The following YJU2B variants were observed in gnomAD, a reference collection of about 807,000 sequenced individuals.
The protein encoded by YJU2B is YJU2 splicing factor homolog B.
In YJU2B, 18 loss-of-function variants were observed where a neutral mutation model predicts 38.0. That is an observed-to-expected ratio of 0.47 (90% CI 0.33 to 0.70). The LOEUF (loss-of-function observed/expected upper bound fraction) is 0.70. Ranked by LOEUF, YJU2B falls within the 30% of genes least tolerant of loss-of-function variation. The pLI is 0.02. For synonymous variants in YJU2B, 246 were observed against 225.4 expected (o/e 1.09, Z -0.82); for missense variants, 538 against 556.3 (o/e 0.97, Z 0.33).
upstream of YJU2B, among the ~76,000 whole-genome samples, chr19:13,743,569 C>G (rs1973149618): frequency 7.3e-6 from 1 of 137,760 alleles, no homozygotes; most frequent in African/African-American, 2.8e-5. Flanking sequence ...GACAGCAAGA[C>G]TCAGTCTCAG....
intron 1 of YJU2B, chr19:13,731,979 C>CTCCCAGCCTCAGTT (rs1972830084): frequency 6.6e-6 from 1 of 152,266 alleles, no homozygotes; most frequent in African/African-American, 2.4e-5. Flanking sequence ...GTTCTCGGGT[C>CTCCCAGCCTCAGTT]TCCCAGCCTC....
chr19:13,748,695 G>A (rs1212525650), intron 1 of YJU2B, among the ~76,000 whole-genome samples: 1 of 152,162 alleles, frequency 6.6e-6, no homozygotes, highest in African/African-American at 2.4e-5. Flanking sequence ...CTTTACCGGT[G>A]ACGAAATACA....
intron 2 of YJU2B, among the ~76,000 whole-genome samples, chr19:13,735,270 G>GCGCCACCGCACTC: frequency 6.6e-6 from 1 of 152,284 alleles, no homozygotes; most frequent in African/African-American, 2.4e-5. Context: ...AGCCGAGATT[G>GCGCCACCGCACTC]CGCCACCGCA....
intron 3 of YJU2B, 74 bp from the exon 4 acceptor site, chr19:13,756,123 C>A: frequency 8.6e-7 from 1 of 1,157,326 alleles, no homozygotes; most frequent in Non-Finnish European, 1.3e-6. Flanking sequence ...TGTCCCAAAG[C>A]AGTGGGGGTG....
At chr19:13,742,655 G>A (rs1401749479) in intron 2 of YJU2B, among the ~76,000 whole-genome samples, 2 of 152,092 alleles carry the variant, frequency 1.3e-5, no homozygotes, top group African/African-American at 4.8e-5. Flanking sequence ...CAGCCTCTTT[G>A]TATCCCAGGC....
At chr19:13,759,954 C>T (rs1973826494) in intron 8 of YJU2B, among the ~76,000 whole-genome samples, 2 of 152,246 alleles carry the variant, frequency 1.3e-5, no homozygotes, top group African/African-American at 2.4e-5. Context: ...TGCACCATCA[C>T]GCACAGCTAG....
chr19:13,757,533 T>TTG, intron 5 of YJU2B, 60 bp downstream of exon 5: 6 of 1,072,598 alleles, frequency 5.6e-6, no homozygotes, highest in Non-Finnish European at 8.6e-6. Context: ...AACTGCTGGA[T>TTG]GCCGCCGGGG....
At chr19:13,762,468 A>G in intron 9 of YJU2B, 31 bp downstream of exon 9, 4 of 1,605,986 alleles carry the variant, frequency 2.5e-6, no homozygotes, top group Non-Finnish European at 3.4e-6. Flanking sequence ...AAAAGGGGAC[A>G]GGGAGGCTCA....
chr19:13,736,852 C>A (rs1347497987), intron 2 of YJU2B, among the ~76,000 whole-genome samples: 2 of 151,394 alleles, frequency 1.3e-5, no homozygotes, highest in African/African-American at 4.8e-5. Flanking sequence ...GCCAACATGG[C>A]GAAATCCCGT....
intron 6 of YJU2B, among the ~76,000 whole-genome samples, chr19:13,758,233 A>G (rs1973744259): frequency 6.6e-6 from 1 of 152,056 alleles, no homozygotes; most frequent in Non-Finnish European, 1.5e-5. Flanking sequence ...TTCTGCTCAA[A>G]CAGCACCCCT....
At chr19:13,734,719 G>A (rs1310660902) in intron 2 of YJU2B, among the ~76,000 whole-genome samples, 2 of 152,164 alleles carry the variant, frequency 1.3e-5, no homozygotes, top group Non-Finnish European at 2.9e-5. Flanking sequence ...CTCCCAGGTA[G>A]CTGGGATTAC....
At chr19:13,751,318 G>A (rs910254801) in intron 1 of YJU2B, among the ~76,000 whole-genome samples, 5 of 152,132 alleles carry the variant, frequency 3.3e-5, no homozygotes, top group African/African-American at 1.2e-4. Flanking sequence ...GGGAGACTGA[G>A]GCAGGAGAAT....
chr19:13,741,147 ATTTC>A (rs1441811362), intron 2 of YJU2B, among the ~76,000 whole-genome samples: 2 of 126,082 alleles, frequency 1.6e-5, no homozygotes, highest in Non-Finnish European at 3.3e-5. Context: ...GCTTTTATAG[ATTTC>A]TTTTTTTTTT....
chr19:13,755,459 CAAAAAAA>C (rs35675919), intron 3 of YJU2B, among the ~76,000 whole-genome samples: 5 of 114,994 alleles, frequency 4.3e-5, no homozygotes, highest in African/African-American at 1.2e-4. Context: ...GACTCTGTCT[CAAAAAAA>C]AAAAAAAAAA....
At chr19:13,751,513 G>A in intron 1 of YJU2B, 95 bp from the exon 2 acceptor site, 1 of 451,232 alleles carries the variant, frequency 2.2e-6, no homozygotes, top group East Asian at 3.7e-5. Context: ...GTGATGATGG[G>A]TGCTGGACCC....
At chr19:13,759,061 T>C (rs778361829) in intron 7 of YJU2B, 39 bp from the exon 8 acceptor site, 2 of 1,612,542 alleles carry the variant, frequency 1.2e-6, no homozygotes, top group East Asian at 4.5e-5. Context: ...GAGTCTGCGC[T>C]GGGGCCCCCA....
At chr19:13,745,786 C>A (rs947216016), upstream of YJU2B, among the ~76,000 whole-genome samples, 17 of 149,324 alleles carry the variant, frequency 1.1e-4, 1 homozygote, top group African/African-American at 3.9e-4. Context: ...ATATTGTCAT[C>A]ACTTCTCACC....
At chr19:13,737,335 C>T (rs1179751598) in intron 2 of YJU2B, among the ~76,000 whole-genome samples, 1 of 152,070 alleles carries the variant, frequency 6.6e-6, no homozygotes, top group Non-Finnish European at 1.5e-5. Context: ...CACTTCTTTG[C>T]TCTCTTCAGC....
intron 8 of YJU2B, among the ~76,000 whole-genome samples, chr19:13,759,788 G>A (rs10404910): frequency 7.3e-6 from 1 of 137,462 alleles, no homozygotes; most frequent in Non-Finnish European, 1.5e-5. Flanking sequence ...CCACCACCAC[G>A]CCTGGCTAAT....
Sources: gnomAD v4.1 joint callset for allele counts (sites outside exome capture counted in the v4.1 genomes callset) on GRCh38, gnomAD v4.1.1 for gene constraint, MANE v1.5 for transcripts, NCBI Gene and HGNC (gene_info 2026-07-23, HGNC 2026-07-21) for gene names.